The following FCHO1 variants were observed in gnomAD, a reference collection of about 807,000 sequenced individuals.
The protein encoded by FCHO1 is F-BAR domain only protein 1.
Under a neutral mutation model 114.4 loss-of-function variants are expected in FCHO1, and 45 were observed. That is an observed-to-expected ratio of 0.39 (90% confidence interval 0.31 to 0.50). FCHO1 has a LOEUF of 0.50. Among genes scored for constraint, FCHO1 ranks in the 20% least tolerant of loss-of-function variants. The pLI is 0.77. For missense variants in FCHO1, 1,042 were observed against 1,209.6 expected, an observed-to-expected ratio of 0.86 and a Z score of 2.06; for synonymous variants, 480 against 488.9, an observed-to-expected ratio of 0.98 and a Z score of 0.24.
rs768156240 is a variant in FCHO1, at chr19:17,757,182, TAAAAAAAAAAA to T, written c.27+2003_27+2013del. On this transcript the variant is annotated intron_variant, in intron 4 of 28. Transcript: ENST00000596536. ...CTGGGTGATGGAGTGAGACTCCGTC[TAAAAAAAAAAA>T]AAAAAAAAAAAGACCACATTTTGGC... Among the ~76,000 whole-genome samples the T allele has an allele frequency of 7.8e-4, 65 of 83,370 alleles. 1 individual carries two copies. The highest frequency in any genetic ancestry group is 3.9e-3 in the Admixed American group (28 of 7,172). 54.7% of individuals were successfully genotyped at this position (83,370 alleles called of 152,430 possible). A position where few individuals can be genotyped will look rare whatever the true frequency, so the allele number is the denominator to read the frequency against.
At chr19:17,761,996 C>CATTCATTT (rs1261374888) in intron 4 of FCHO1, among the ~76,000 whole-genome samples, 3 of 151,282 alleles carry the variant, frequency 2.0e-5, no homozygotes, top group Non-Finnish European at 4.4e-5. Flanking sequence ...TTCATTCATT[C>CATTCATTT]ATTTATTTTG....
In FCHO1 at chr19:17,772,516, T is replaced by G; in HGVS notation, c.654T>G (p.Tyr218Ter). 6.2e-7 allele frequency: 1 copy of G among 1,614,094 alleles called. No homozygotes were observed. The highest frequency in any genetic ancestry group is 8.5e-7 in the Non-Finnish European group (1 of 1,180,006). Residue 218 changes from tyrosine (Y) to a stop codon, truncating the protein, a stop_gained, in exon 10 of 29, where the codon TAT (tyrosine) becomes TAG (stop). Transcript: ENST00000596536. LOFTEE classifies it high-confidence loss of function. ...ACATGAAGGCACTGCTGGGCTCATA[T>G]GCTCACTCGGTGGAGGACACGCACG... ...LRHMKALLGSYAHSVEDTHVQ... is the reference protein window; with the variant it reads ...LRHMKALLGS
At chr19:17,766,069 T>C (rs1368631069) in intron 6 of FCHO1, among the ~76,000 whole-genome samples, 2 of 151,478 alleles carry the variant, frequency 1.3e-5, no homozygotes, top group Non-Finnish European at 2.9e-5. Context: ...TTTGTATTTT[T>C]AGTAGAGACG....
chr19:17,764,526 A>C (rs1286748541), intron 6 of FCHO1, 77 bp downstream of exon 6: 3 of 1,226,540 alleles, frequency 2.4e-6, no homozygotes, highest in Non-Finnish European at 2.3e-6. Flanking sequence ...CACTCGGTGC[A>C]TGTAGAATAG....
chr19:17,759,752 G>C (rs148126269), intron 4 of FCHO1, among the ~76,000 whole-genome samples: 1,759 of 151,700 alleles, frequency 0.012, 16 homozygotes, highest in Non-Finnish European at 0.019. Context: ...GACCAACATG[G>C]TGAAACCCTG....
At chr19:17,779,351 A>G (rs1228664998) in intron 20 of FCHO1, among the ~76,000 whole-genome samples, 1 of 152,034 alleles carries the variant, frequency 6.6e-6, no homozygotes, top group African/African-American at 2.4e-5. Flanking sequence ...GCTGAGGGCC[A>G]TGAGCAGGGG....
At position 17,788,465 on chromosome 19, in the gene FCHO1, C is replaced by T. The variant is rs1421067229; in HGVS notation, c.*159C>T. ...GCCCAGCCTGGCTGAGCCCGAGATT[C>T]GCTCCTCCCCCTCATGCCAACCCCA... On this transcript the variant is annotated 3_prime_UTR_variant, in exon 29 of 29. Coordinates refer to ENST00000596536, the MANE Select transcript of FCHO1 (RefSeq NM_015122.3). 1.3e-5 allele frequency: 8 copies of T among 598,468 alleles called. No individual in the cohort carries two copies. Among genetic ancestry groups the T allele is most frequent in the South Asian group, 2.1e-5 (1 of 48,126 alleles). 37.1% of individuals were successfully genotyped at this position (598,468 alleles called of 1,614,324 possible). A position where few individuals can be genotyped will look rare whatever the true frequency, so the allele number is the denominator to read the frequency against.
At chr19:17,754,904 G>C in intron 3 of FCHO1, 1 of 506,834 alleles carries the variant, frequency 2.0e-6, no homozygotes, top group South Asian at 2.0e-5. Flanking sequence ...CTGTGGAATT[G>C]GGGGCATCTG....
At chr19:17,760,404 C>G (rs2085638919) in intron 4 of FCHO1, among the ~76,000 whole-genome samples, 1 of 152,052 alleles carries the variant, frequency 6.6e-6, no homozygotes, top group Non-Finnish European at 1.5e-5. Context: ...ATGCCCTTCC[C>G]AGGTGACAGA....
intron 18 of FCHO1, 84 bp from the exon 19 acceptor site, chr19:17,778,053 C>A: frequency 1.4e-5 from 12 of 883,546 alleles, no homozygotes; most frequent in Non-Finnish European, 2.2e-5. Flanking sequence ...AAAAAAAAGA[C>A]TGGGAACAGC....
intron 4 of FCHO1, among the ~76,000 whole-genome samples, chr19:17,761,633 C>CATATATATATATATAT (rs55848959): frequency 8.3e-4 from 118 of 142,696 alleles, no homozygotes; most frequent in East Asian, 2.9e-3. Flanking sequence ...CATGTATATA[C>CATATATATATATATAT]ATATATATAT....
upstream of FCHO1, among the ~76,000 whole-genome samples, chr19:17,750,807 A>C (rs1307767910): frequency 6.6e-6 from 1 of 150,790 alleles, no homozygotes; most frequent in African/African-American, 2.4e-5. Context: ...TGAATGCAAA[A>C]ATGTCTTCCC....
At chr19:17,781,418 C>T (rs373571892) in intron 21 of FCHO1, 34 bp from the exon 22 acceptor site, 2 of 1,611,790 alleles carry the variant, frequency 1.2e-6, no homozygotes, top group African/African-American at 1.3e-5. Context: ...GGTCCTGGGG[C>T]ACTCACAGCC....
rs985922422 is a variant in FCHO1 at position 17,766,676 on chromosome 19, G to A, written c.202G>A (p.Ala68Thr). 2.5e-6 allele frequency: 4 copies of A among 1,614,112 alleles called. No individual in the cohort carries two copies. Among genetic ancestry groups the A allele is most frequent in the Non-Finnish European group, 3.4e-6 (4 of 1,180,036 alleles). Residue 68 changes from alanine to threonine, a missense_variant, in exon 7 of 29, where the codon GCC becomes ACC. Ala to Thr is a moderately conservative substitution (Grantham distance 58). Transcript: ENST00000596536. Reference sequence around the variant, plus strand: ...GACCTTGCCCGCCCCCAGGACCTTCGCCCCGCTCTGGGAGGTCTTCCGCGT... The same window carrying A: ...GACCTTGCCCGCCCCCAGGACCTTCACCCCGCTCTGGGAGGTCTTCCGCGT... ...ASNGTPMGTF[A>T]PLWEVFRVSS...
At chr19:17,761,153 A>G (rs1266182440) in intron 4 of FCHO1, among the ~76,000 whole-genome samples, 1 of 152,142 alleles carries the variant, frequency 6.6e-6, no homozygotes, top group Non-Finnish European at 1.5e-5. Context: ...TCATTTGTTT[A>G]TTTATTCAAC....
chr19:17,788,310 C>A lies in FCHO1; in HGVS notation c.*4C>A. 6.3e-7 allele frequency: 1 copy of A among 1,597,810 alleles called. No individual in the cohort carries two copies. The highest frequency in any genetic ancestry group is 8.5e-7 in the Non-Finnish European group (1 of 1,171,866). On this transcript the variant is annotated 3_prime_UTR_variant, in exon 29 of 29. Transcript: ENST00000596536. ...GATGTACCTGGTGAGCTGCTGAACC[C>A]GCAAATGCTGCTGCCCCAGCTCTAC...
At chr19:17,782,586 G>C (rs1568370566) in intron 23 of FCHO1, among the ~76,000 whole-genome samples, 1 of 152,182 alleles carries the variant, frequency 6.6e-6, no homozygotes, top group Non-Finnish European at 1.5e-5. Context: ...AGTAATACTA[G>C]AAGTTAGGCC....
chr19:17,788,224 G>T, intron 28 of FCHO1, 60 bp from the exon 29 acceptor site: 1 of 1,162,254 alleles, frequency 8.6e-7, no homozygotes, highest in East Asian at 2.5e-5. Flanking sequence ...GGTCAGAGCC[G>T]GGGAACCCCT....
Position 17,775,636 on chromosome 19 carries a change from T to C in FCHO1, c.1003+123T>C. ...TCCTGGAGAGAGTCTCCTTTGTGGA[T>C]GAAGCCAACCTAAATGTAAACACCC... On this transcript the variant is annotated intron_variant, in intron 15 of 28. Transcript: ENST00000596536. The surrounding 1 kb of genome is among the most constrained non-coding windows in gnomAD (Gnocchi z 5.1). 1.0e-6 allele frequency: 1 copy of C among 952,648 alleles called. No homozygotes were observed. The highest frequency in any genetic ancestry group is 2.5e-5 in the East Asian group (1 of 39,796). The allele number at this position is 952,648 out of a possible 1,614,324, so 59.0% of individuals were successfully genotyped here. A position where few individuals can be genotyped will look rare whatever the true frequency, so the allele number is the denominator to read the frequency against.
Sources: gnomAD v4.1 joint callset for allele counts (sites outside exome capture counted in the v4.1 genomes callset) on GRCh38, gnomAD v4.1.1 for gene constraint, Gnocchi (gnomAD v3.1) non-coding constraint, MANE v1.5 for transcripts, NCBI Gene and HGNC (gene_info 2026-07-23, HGNC 2026-07-21) for gene names.